The following SCAND3 variants were observed in gnomAD, a reference collection of about 807,000 sequenced individuals.
SCAND3 encodes SCAN domain containing 3.
chr6:28,580,554 A>G, the SCAND3 span, among the ~76,000 whole-genome samples: 1 of 152,202 alleles, frequency 6.6e-6, no homozygotes, highest in Admixed American at 6.5e-5. Flanking sequence ...CCCTTCTCTG[A>G]GCTTAATAAG....
chr6:28,577,653 G>T, the SCAND3 span, among the ~76,000 whole-genome samples: 2 of 152,104 alleles, frequency 1.3e-5, no homozygotes, highest in East Asian at 3.9e-4. Context: ...CCACCAAATG[G>T]ATCCACTGGT....
the SCAND3 span, among the ~76,000 whole-genome samples, chr6:28,588,402 G>A: frequency 6.8e-6 from 1 of 146,572 alleles, no homozygotes; most frequent in South Asian, 2.1e-4. This position sits in a 1 kb window ranked among gnomAD's most constrained non-coding sequence, Gnocchi z 4.1. Context: ...CTTTACTGAC[G>A]AGCCTTACTG....
At chr6:28,582,983 A>G in the SCAND3 span, among the ~76,000 whole-genome samples, 1 of 152,180 alleles carries the variant, frequency 6.6e-6, no homozygotes, top group African/African-American at 2.4e-5. This position sits in a 1 kb window ranked among gnomAD's most constrained non-coding sequence, Gnocchi z 4.8. Context: ...TAAAAATATA[A>G]GACATTAATA....
the SCAND3 span, chr6:28,575,263 T>C: frequency 6.2e-7 from 1 of 1,614,066 alleles, no homozygotes; most frequent in Non-Finnish European, 8.5e-7. The surrounding 1 kb of genome is among the most constrained non-coding windows in gnomAD (Gnocchi z 4.2). Context: ...GAAAATCCTC[T>C]TTCGGATATC....
At chr6:28,587,903 G>A in the SCAND3 span, 1 of 152,090 alleles carries the variant, frequency 6.6e-6, no homozygotes, top group Non-Finnish European at 1.5e-5. Flanking sequence ...GCGAATCACT[G>A]GAGTGGAGTA....
the SCAND3 span, chr6:28,579,436 G>A: frequency 6.2e-7 from 1 of 1,601,038 alleles, no homozygotes; most frequent in Middle Eastern, 1.7e-4. This position sits in a 1 kb window ranked among gnomAD's most constrained non-coding sequence, Gnocchi z 4.5. Context: ...ACAAGTAGGT[G>A]CATTTGGTAA....
At chr6:28,591,158 A>G in the SCAND3 span, 1 of 152,216 alleles carries the variant, frequency 6.6e-6, no homozygotes, top group Non-Finnish European at 1.5e-5. Context: ...CTCAGACTTT[A>G]TCCCAAGCCT....
At chr6:28,610,708 T>C in the SCAND3 span, among the ~76,000 whole-genome samples, 1 of 152,210 alleles carries the variant, frequency 6.6e-6, no homozygotes, top group African/African-American at 2.4e-5. Context: ...GTATATAGTA[T>C]ATATTATGCT....
At chr6:28,574,589 A>T in the SCAND3 span, 1 of 1,449,168 alleles carries the variant, frequency 6.9e-7, no homozygotes, top group Non-Finnish European at 9.5e-7. Context: ...TATTCACAGT[A>T]CACTGTAATG....
At chr6:28,570,895 T>C in the SCAND3 span, 2 of 152,340 alleles carry the variant, frequency 1.3e-5, no homozygotes, top group South Asian at 4.1e-4. Context: ...TTGTTAAATC[T>C]AATTGAGGTG....
the SCAND3 span, among the ~76,000 whole-genome samples, chr6:28,615,549 C>T: frequency 2.7e-5 from 4 of 149,454 alleles, no homozygotes; most frequent in Non-Finnish European, 3.0e-5. Flanking sequence ...GGAAGTGAGC[C>T]ATGATCGCGC....
At chr6:28,572,998 A>C in the SCAND3 span, 1 of 1,613,588 alleles carries the variant, frequency 6.2e-7, no homozygotes, top group Non-Finnish European at 8.5e-7. This position sits in a 1 kb window ranked among gnomAD's most constrained non-coding sequence, Gnocchi z 4.1. Flanking sequence ...TCCTACACAA[A>C]ATTTAAATTC....
chr6:28,573,241 T>A, the SCAND3 span: 1 of 1,614,120 alleles, frequency 6.2e-7, no homozygotes, highest in East Asian at 2.2e-5. Context: ...TTCCATATCA[T>A]TAGCCAGTTC....
At chr6:28,600,806 T>G in the SCAND3 span, among the ~76,000 whole-genome samples, 1 of 152,130 alleles carries the variant, frequency 6.6e-6, no homozygotes, top group African/African-American at 2.4e-5. Context: ...GTTAAATATT[T>G]TAGAAGTGAT....
chr6:28,589,588 A>C, the SCAND3 span: 1 of 152,216 alleles, frequency 6.6e-6, no homozygotes, highest in Admixed American at 6.5e-5. Context: ...CTTCTATCCA[A>C]GCATGAAAGT....
chr6:28,614,802 A>G, the SCAND3 span, among the ~76,000 whole-genome samples: 1 of 152,182 alleles, frequency 6.6e-6, no homozygotes, highest in Non-Finnish European at 1.5e-5. Flanking sequence ...ACATGTAACA[A>G]TAGTTAAAAT....
chr6:28,575,126 C>G, the SCAND3 span: 1 of 1,614,054 alleles, frequency 6.2e-7, no homozygotes, highest in Non-Finnish European at 8.5e-7. This position sits in a 1 kb window ranked among gnomAD's most constrained non-coding sequence, Gnocchi z 4.2. Context: ...CCCAGTTTAG[C>G]TTCAGAGCTA....
the SCAND3 span, chr6:28,571,673 A>T: frequency 4.9e-6 from 2 of 409,248 alleles, no homozygotes; most frequent in Non-Finnish European, 8.4e-6. Context: ...ATTTAAAATT[A>T]TATTTTAATA....
chr6:28,598,728 T>TAAAA, the SCAND3 span, among the ~76,000 whole-genome samples: 1 of 143,218 alleles, frequency 7.0e-6, no homozygotes, highest in Admixed American at 6.9e-5. Flanking sequence ...TAAAATAAAA[T>TAAAA]TAGCTGAGTG....
Sources: gnomAD v4.1 joint callset for allele counts (sites outside exome capture counted in the v4.1 genomes callset) on GRCh38, gnomAD v4.1.1 for gene constraint, Gnocchi (gnomAD v3.1) non-coding constraint, MANE v1.5 for transcripts, NCBI Gene and HGNC (gene_info 2026-07-23, HGNC 2026-07-21) for gene names.